NCDN: variants seen among roughly 807,000 people sequenced by gnomAD.
NCDN encodes norbin.
Under a neutral mutation model 60.7 loss-of-function variants are expected in NCDN, and 9 were observed. That is an observed-to-expected ratio of 0.15 (90% confidence interval 0.09 to 0.26). NCDN has a LOEUF of 0.26. Ranked by LOEUF, NCDN falls within the 10% of genes least tolerant of loss-of-function variation. The pLI is 1.00. For missense variants in NCDN, 578 were observed against 975.2 expected (o/e 0.59, Z 5.42); for synonymous variants, 409 against 442.5 (o/e 0.92, Z 0.95).
Position 35,558,156 on chromosome 1 carries a change from T to A in NCDN, c.-35T>A. The A allele has an allele frequency of 6.8e-6, 11 of 1,613,724 alleles. No individual in the cohort carries two copies. The highest frequency in any genetic ancestry group is 9.3e-6 in the Non-Finnish European group (11 of 1,179,784). On this transcript the variant is annotated 5_prime_UTR_variant, in exon 1 of 7. Coordinates refer to ENST00000373243, the MANE Select transcript of NCDN (RefSeq NM_014284.3). This position sits in a 1 kb window ranked among gnomAD's most constrained non-coding sequence, Gnocchi z 6.3. ...GTGACATCACCGCGCCATCGTGAAG[T>A]GTGATCTCATCGCCGCCCTGTCGTG...
Position 35,562,667 on chromosome 1 carries a change from C to T in NCDN, c.1385+34C>T, listed in dbSNP as rs767938954. The T allele has an allele frequency of 5.7e-6, 9 of 1,589,202 alleles. No individual in the cohort carries two copies. The highest frequency in any genetic ancestry group is 7.7e-6 in the Non-Finnish European group (9 of 1,165,354). On this transcript the variant is annotated intron_variant, in intron 4 of 6. Coordinates refer to ENST00000373243, the MANE Select transcript of NCDN (RefSeq NM_014284.3). This position sits in a 1 kb window ranked among gnomAD's most constrained non-coding sequence, Gnocchi z 6.8. ...GTAGTTACAGTCTGTCCAGCTAGATCATTCTACCGAAAAGCGTTAACACAA... is the reference window on the plus strand; with the variant it reads ...GTAGTTACAGTCTGTCCAGCTAGATTATTCTACCGAAAAGCGTTAACACAA...
Position 35,566,730 on chromosome 1 carries a change from C to T in NCDN, c.*1067C>T, listed in dbSNP as rs930428161. 6 of 464,480 alleles carry T rather than the reference C, an allele frequency of 1.3e-5. No homozygotes were observed. Among genetic ancestry groups the T allele is most frequent in the African/African-American group, 1.2e-4 (6 of 49,840 alleles). The allele number at this position is 464,480 out of a possible 1,614,324, so 28.8% of individuals were successfully genotyped here. On this transcript the variant is annotated 3_prime_UTR_variant, in exon 7 of 7. Transcript: ENST00000373243. The surrounding 1 kb of genome is among the most constrained non-coding windows in gnomAD (Gnocchi z 5.3). ...CAGTGCGTTCTGTGATCGCCAAGTT[C>T]AAAGCTGTGCACATGTGGACACTCA...
intron 6 of NCDN, among the ~76,000 whole-genome samples, chr1:35,564,506 GAGC>G (rs1338740614): frequency 6.6e-6 from 1 of 152,218 alleles, no homozygotes; most frequent in African/African-American, 2.4e-5. Flanking sequence ...TGGAGGAGCT[GAGC>G]AGATGCCTGG....
Position 35,565,108 on chromosome 1 carries a change from CA to C in NCDN, c.1754-118del. 1.0e-6 allele frequency: 1 copy of C among 1,000,892 alleles called. No individual in the cohort carries two copies. Among genetic ancestry groups the C allele is most frequent in the Non-Finnish European group, 1.5e-6 (1 of 679,218 alleles). The allele number at this position is 1,000,892 out of a possible 1,614,324, so 62.0% of individuals were successfully genotyped here. ...ATCTAAGGCAGGGTTTCAACGCAGG[CA>C]GTCTGATTCCAGGCTGTGCCCTGGC... On this transcript the variant is annotated intron_variant, in intron 6 of 6. Transcript: ENST00000373243. This position sits in a 1 kb window ranked among gnomAD's most constrained non-coding sequence, Gnocchi z 8.9.
At position 35,560,385 on chromosome 1, in the gene NCDN, T is replaced by C. The variant is rs1200899711; in HGVS notation, c.234T>C (p.Asp78=). 19 of 1,613,946 alleles carry C rather than the reference T, an allele frequency of 1.2e-5. No individual in the cohort carries two copies. The highest frequency in any genetic ancestry group is 1.5e-5 in the Non-Finnish European group (18 of 1,180,038). ...IDAKTRRRIF[D]AVGFTFPNRL... ...CCAAAACTCGGCGGCGGATCTTCGA[T>C]GCTGTCGGCTTCACCTTCCCCAATC... Residue 78 remains aspartate (D), a synonymous_variant, in exon 3 of 7, where the codon GAT becomes GAC. Transcript: ENST00000373243. The surrounding 1 kb of genome is among the most constrained non-coding windows in gnomAD (Gnocchi z 7.6).
chr1:35,565,553 C>A lies in NCDN; in HGVS notation c.2080C>A (p.Leu694Met). The A allele has an allele frequency of 6.4e-7, 1 of 1,565,814 alleles. No individual in the cohort carries two copies. Among genetic ancestry groups the A allele is most frequent in the Non-Finnish European group, 8.6e-7 (1 of 1,156,944 alleles). ...VAAYQGVLVE[L>M]ARANRLCREA... ...CGCCTATCAGGGTGTCCTGGTGGAGCTGGCGCGGGCCAACCGGCTGTGCCG... is the reference window on the plus strand; with the variant it reads ...CGCCTATCAGGGTGTCCTGGTGGAGATGGCGCGGGCCAACCGGCTGTGCCG... Residue 694 changes from leucine (L) to methionine (M), a missense_variant, in exon 7 of 7, where the codon CTG becomes ATG. Leu to Met is a conservative substitution (Grantham distance 15). Coordinates refer to ENST00000373243, the MANE Select transcript of NCDN (RefSeq NM_014284.3). The surrounding 1 kb of genome is among the most constrained non-coding windows in gnomAD (Gnocchi z 8.9).
Position 35,558,122 on chromosome 1 carries a change from GA to G in NCDN, c.-68del. The G allele has an allele frequency of 6.2e-7, 1 of 1,601,086 alleles. No individual in the cohort carries two copies. The highest frequency in any genetic ancestry group is 8.5e-7 in the Non-Finnish European group (1 of 1,169,988). ...GTCTCCCATGTCGTGATTTTGACGT[GA>G]TCTCTCCGTGACATCACCGCGCCAT... On this transcript the variant is annotated 5_prime_UTR_variant, in exon 1 of 7. An upstream open reading frame in the 5' UTR loses its in-frame stop. Transcript: ENST00000373243. This position sits in a 1 kb window ranked among gnomAD's most constrained non-coding sequence, Gnocchi z 6.3.
At position 35,562,373 on chromosome 1, in the gene NCDN, G is replaced by T; in HGVS notation, c.1144-19G>T. 1 of 1,612,164 alleles carries T rather than the reference G, an allele frequency of 6.2e-7. No individual in the cohort carries two copies. Among genetic ancestry groups the T allele is most frequent in the African/African-American group, 1.3e-5 (1 of 75,018 alleles). On this transcript the variant is annotated intron_variant, in intron 3 of 6. Coordinates refer to ENST00000373243, the MANE Select transcript of NCDN (RefSeq NM_014284.3). The surrounding 1 kb of genome is among the most constrained non-coding windows in gnomAD (Gnocchi z 6.8). ...GGTCCCTGGTCCTGCTCCATCTCAA[G>T]GGGGTCCTGTGGCAACAGGTGGGGT...
Position 35,562,696 on chromosome 1 carries a change from C to T in NCDN, c.1385+63C>T. The T allele has an allele frequency of 6.5e-7, 1 of 1,529,880 alleles. No individual in the cohort carries two copies. The highest frequency in any genetic ancestry group is 8.8e-7 in the Non-Finnish European group (1 of 1,134,498). The allele number at this position is 1,529,880 out of a possible 1,614,324, so 94.8% of individuals were successfully genotyped here. On this transcript the variant is annotated intron_variant, in intron 4 of 6. Transcript: ENST00000373243. The surrounding 1 kb of genome is among the most constrained non-coding windows in gnomAD (Gnocchi z 6.8). ...CTACCGAAAAGCGTTAACACAAGGA[C>T]ACCCCTCCCCACAAACTGAGCTGTG...
At position 35,561,157 on chromosome 1, in the gene NCDN, G is replaced by A. The variant is rs773816119; in HGVS notation, c.1006G>A (p.Ala336Thr). ...GGAGGTGAAAGAGGATGTGGTGACC[G>A]CCTGCTATGCCCTCATGGAGTTGGG... ...GTEVKEDVVT[A>T]CYALMELGIQ... The change falls in exon 3 of 7, where the codon GCC (alanine) becomes ACC (threonine). Residue 336 changes from alanine to threonine, a missense_variant. This residue lies in a region of NCDN where 363 missense variants were observed against 583.6 expected (regional missense o/e 0.62). Coordinates refer to ENST00000373243, the MANE Select transcript of NCDN (RefSeq NM_014284.3). This position sits in a 1 kb window ranked among gnomAD's most constrained non-coding sequence, Gnocchi z 4.9. 8 of 1,607,740 alleles carry A rather than the reference G, an allele frequency of 5.0e-6. No individual in the cohort carries two copies. The highest frequency in any genetic ancestry group is 1.3e-5 in the African/African-American group (1 of 74,880).
chr1:35,563,135 A>C lies in NCDN; in HGVS notation c.1386-67A>C. ...CCATTTCTCTTAGGCAAGGTGCCCT[A>C]AAAAGGGAATCTATGTGCCTTCATC... On this transcript the variant is annotated intron_variant, in intron 4 of 6. Transcript: ENST00000373243. The surrounding 1 kb of genome is among the most constrained non-coding windows in gnomAD (Gnocchi z 6.6). The C allele has an allele frequency of 7.0e-7, 1 of 1,420,826 alleles. No individual in the cohort carries two copies. The highest frequency in any genetic ancestry group is 9.5e-7 in the Non-Finnish European group (1 of 1,052,890). The allele number at this position is 1,420,826 out of a possible 1,614,324, so 88.0% of individuals were successfully genotyped here. A position where few individuals can be genotyped will look rare whatever the true frequency, so the allele number is the denominator to read the frequency against.
Position 35,563,615 on chromosome 1 carries a change from C to A in NCDN, c.1611-152C>A. 2 of 1,069,564 alleles carry A rather than the reference C, an allele frequency of 1.9e-6. No individual in the cohort carries two copies. The highest frequency in any genetic ancestry group is 1.4e-6 in the Non-Finnish European group (1 of 733,432). 66.3% of individuals were successfully genotyped at this position (1,069,564 alleles called of 1,614,324 possible). On this transcript the variant is annotated intron_variant, in intron 5 of 6. Coordinates refer to ENST00000373243, the MANE Select transcript of NCDN (RefSeq NM_014284.3). This position sits in a 1 kb window ranked among gnomAD's most constrained non-coding sequence, Gnocchi z 6.6. ...GCATGCTGGAACCCCCAGGTACTGTCTCAGCATGTCTGCTTGTTCCAATCT... is the reference window on the plus strand; with the variant it reads ...GCATGCTGGAACCCCCAGGTACTGTATCAGCATGTCTGCTTGTTCCAATCT...
At position 35,557,879 on chromosome 1, in the gene NCDN, G is replaced by T. The variant is rs763276981; in HGVS notation, c.-312G>T. 76 of 623,966 alleles carry T rather than the reference G, an allele frequency of 1.2e-4. No individual in the cohort carries two copies. Among genetic ancestry groups the T allele is most frequent in the Admixed American group, 4.3e-5 (2 of 46,970 alleles). 38.7% of individuals were successfully genotyped at this position (623,966 alleles called of 1,614,324 possible). A position where few individuals can be genotyped will look rare whatever the true frequency, so the allele number is the denominator to read the frequency against. ...GAAGACTTCGCCGCTCGGGGCCGCA[G>T]CCTGGTGAGCTCAGCCCCCTTCGGG... On this transcript the variant is annotated 5_prime_UTR_variant, in exon 1 of 7. Coordinates refer to ENST00000373243, the MANE Select transcript of NCDN (RefSeq NM_014284.3).
rs749927965 is a variant in NCDN at position 35,560,769 on chromosome 1, C to T, written c.618C>T (p.Ala206=). 7.7e-5 allele frequency: 124 copies of T among 1,612,598 alleles called. No individual in the cohort carries two copies. Among genetic ancestry groups the T allele is most frequent in the Non-Finnish European group, 1.0e-4 (118 of 1,180,006 alleles). ...LALLVGLLAA[A]ETQCWKEAEP... ...TCCTGGTGGGGCTGCTGGCTGCTGC[C>T]GAGACACAGTGCTGGAAGGAGGCGG... The change falls in exon 3 of 7, where the codon GCC becomes GCT. Residue 206 remains alanine (A), a synonymous_variant. Transcript: ENST00000373243. The surrounding 1 kb of genome is among the most constrained non-coding windows in gnomAD (Gnocchi z 7.6).
In NCDN at chr1:35,563,115, T is replaced by A. The variant is rs2148539262; in HGVS notation, c.1386-87T>A. The A allele has an allele frequency of 8.0e-7, 1 of 1,243,072 alleles. No homozygotes were observed. Among genetic ancestry groups the A allele is most frequent in the East Asian group, 2.5e-5 (1 of 39,258 alleles). The allele number at this position is 1,243,072 out of a possible 1,614,324, so 77.0% of individuals were successfully genotyped here. Reference sequence around the variant, plus strand: ...TGTGTCCTTCTCCCCTACTTCCATTTCTCTTAGGCAAGGTGCCCTAAAAAG... The same window carrying A: ...TGTGTCCTTCTCCCCTACTTCCATTACTCTTAGGCAAGGTGCCCTAAAAAG... On this transcript the variant is annotated intron_variant, in intron 4 of 6. Coordinates refer to ENST00000373243, the MANE Select transcript of NCDN (RefSeq NM_014284.3). This position sits in a 1 kb window ranked among gnomAD's most constrained non-coding sequence, Gnocchi z 6.6.
At position 35,562,094 on chromosome 1, in the gene NCDN, G is replaced by A. The variant is rs1648725082; in HGVS notation, c.1144-298G>A. Among the ~76,000 whole-genome samples, 1 of 152,142 alleles carries A rather than the reference G, an allele frequency of 6.6e-6. No individual in the cohort carries two copies. The highest frequency in any genetic ancestry group is 2.4e-5 in the African/African-American group (1 of 41,434). On this transcript the variant is annotated intron_variant, in intron 3 of 6. Transcript: ENST00000373243. The surrounding 1 kb of genome is among the most constrained non-coding windows in gnomAD (Gnocchi z 6.8). ...GAGACACTCCAGAGGTAGGGAGTTA[G>A]GGAGATGTGACTGGAGCCTCAGCGA...
At position 35,558,058 on chromosome 1, in the gene NCDN, C is replaced by A; in HGVS notation, c.-133C>A. 9.6e-7 allele frequency: 1 copy of A among 1,045,856 alleles called. No individual in the cohort carries two copies. Among genetic ancestry groups the A allele is most frequent in the Non-Finnish European group, 1.4e-6 (1 of 735,078 alleles). 64.8% of individuals were successfully genotyped at this position (1,045,856 alleles called of 1,614,324 possible). On this transcript the variant is annotated 5_prime_UTR_variant, in exon 1 of 7. Coordinates refer to ENST00000373243, the MANE Select transcript of NCDN (RefSeq NM_014284.3). This position sits in a 1 kb window ranked among gnomAD's most constrained non-coding sequence, Gnocchi z 6.3. ...TGTCACAGCCCTTTTCAATATATAT[C>A]TTTTTTTTTTTTAATTTGCCCTGTC... is the stretch of plus-strand genomic sequence containing the variant.
Position 35,561,320 on chromosome 1 carries a change from G to A in NCDN, c.1143+26G>A. ...GTGAGGGTGCAGTGACCCACAGAGG[G>A]GGCCCAGTATGGGGGGAGCCAGTGC... On this transcript the variant is annotated intron_variant, in intron 3 of 6. Transcript: ENST00000373243. The surrounding 1 kb of genome is among the most constrained non-coding windows in gnomAD (Gnocchi z 4.9). 1 of 1,554,360 alleles carries A rather than the reference G, an allele frequency of 6.4e-7. No individual in the cohort carries two copies. Among genetic ancestry groups the A allele is most frequent in the Non-Finnish European group, 8.7e-7 (1 of 1,155,024 alleles).
Position 35,562,622 on chromosome 1 carries a change from A to G in NCDN, c.1374A>G (p.Gly458=), listed in dbSNP as rs765698120. 5 of 1,613,170 alleles carry G rather than the reference A, an allele frequency of 3.1e-6. No individual in the cohort carries two copies. In the Admixed American group the frequency reaches 5.0e-5, roughly 16 times the overall value. Residue 458 remains glycine, a synonymous_variant, in exon 4 of 7, where the codon GGA becomes GGG. Coordinates refer to ENST00000373243, the MANE Select transcript of NCDN (RefSeq NM_014284.3). The surrounding 1 kb of genome is among the most constrained non-coding windows in gnomAD (Gnocchi z 6.8). ...CCACCCCAGGGCCCACCTGGCCAGGAGACGCTCTCCGGTGAGTCTGTAGTT... is the reference window on the plus strand; with the variant it reads ...CCACCCCAGGGCCCACCTGGCCAGGGGACGCTCTCCGGTGAGTCTGTAGTT... ...SPTTPGPTWP[G]DALRLLLPGW... is the part of the protein sequence containing the mutation.
Sources: allele counts gnomAD v4.1 joint callset (sites outside exome capture counted in the v4.1 genomes callset), GRCh38; gene constraint gnomAD v4.1.1; regional missense constraint gnomAD v4.1.1; non-coding constraint Gnocchi (gnomAD v3.1); transcripts MANE v1.5; gene names NCBI Gene and HGNC (gene_info 2026-07-23, HGNC 2026-07-21).